PRUNE2: variants seen among roughly 807,000 people sequenced by gnomAD.
PRUNE2 encodes the protein prune homolog 2 with BCH domain.
Under a neutral mutation model 252.0 loss-of-function variants are expected in PRUNE2, and 164 were observed. The observed-to-expected ratio is 0.65, with a 90% confidence interval of 0.57 to 0.74. PRUNE2 has a LOEUF of 0.74. Among genes scored for constraint, PRUNE2 ranks in the 30% least tolerant of loss-of-function variants. PRUNE2 has a pLI of 0.00. For synonymous variants in PRUNE2, 1,292 were observed against 1,350.2 expected, an observed-to-expected ratio of 0.96 and a Z score of 0.94; for missense variants, 3,495 against 3,711.0, an observed-to-expected ratio of 0.94 and a Z score of 1.51.
chr9:76,674,977 G>T (rs1588470539), intron 9 of PRUNE2, among the ~76,000 whole-genome samples: 1 of 23,172 alleles, frequency 4.3e-5, no homozygotes, highest in African/African-American at 6.0e-5. Flanking sequence ...GAAAACCTAG[G>T]CATTACCATT....
chr9:76,614,484 G>T lies in PRUNE2; in HGVS notation c.*86C>A. ...ACCAGGTAGTGCAAAGTGGAAAAAG[G>T]TAACATCAGCCCTGTCTCTTTCAGG... On this transcript the variant is annotated 3_prime_UTR_variant, in exon 19 of 19. Transcript: ENST00000376718. 8.9e-7 allele frequency: 1 copy of T among 1,129,522 alleles called. No individual in the cohort carries two copies. The highest frequency in any genetic ancestry group is 1.3e-6 in the Non-Finnish European group (1 of 753,564). The allele number at this position is 1,129,522 out of a possible 1,614,324, so 70.0% of individuals were successfully genotyped here. A position where few individuals can be genotyped will look rare whatever the true frequency, so the allele number is the denominator to read the frequency against.
chr9:76,709,646 G>T lies in PRUNE2; in HGVS notation c.2628C>A (p.Ile876=), dbSNP rs2046568360. ...CAGAACTGGGATTTCCAGGTGCAAA[G>T]ATGTGATCCCTGGAGTCATTGTTTT... ...GKKNNDSRDH[I]FAPGNPSSDL... The change falls in exon 8 of 19, where the codon ATC becomes ATA. Residue 876 remains isoleucine, a synonymous_variant. Coordinates refer to ENST00000376718, the MANE Select transcript of PRUNE2 (RefSeq NM_015225.3). The T allele has an allele frequency of 1.2e-6, 2 of 1,613,908 alleles. No homozygotes were observed. Among genetic ancestry groups the T allele is most frequent in the South Asian group, 2.2e-5 (2 of 91,086 alleles).
intron 6 of PRUNE2, among the ~76,000 whole-genome samples, chr9:76,822,955 TAAAG>T (rs2058120683): frequency 6.6e-6 from 1 of 152,172 alleles, no homozygotes; most frequent in African/African-American, 2.4e-5. Context: ...AATACAACAG[TAAAG>T]AAATACACAG....
intron 15 of PRUNE2, among the ~76,000 whole-genome samples, chr9:76,633,153 C>T (rs192356284): frequency 4.2e-4 from 64 of 152,014 alleles, no homozygotes; most frequent in Non-Finnish European, 7.6e-4. Flanking sequence ...ACCTGGGAGG[C>T]GGAGGCTGCA....
intron 9 of PRUNE2, among the ~76,000 whole-genome samples, chr9:76,690,512 A>G (rs1338572978): frequency 6.6e-6 from 1 of 152,256 alleles, no homozygotes; most frequent in Non-Finnish European, 1.5e-5. Context: ...TAAAAACTCA[A>G]GAAAGTACTG....
intron 1 of PRUNE2, among the ~76,000 whole-genome samples, chr9:76,886,756 T>G (rs1232889725): frequency 1.3e-5 from 2 of 152,170 alleles, no homozygotes; most frequent in Non-Finnish European, 1.5e-5. Flanking sequence ...TGTGGCTAGT[T>G]TTTTCAAGAG....
At chr9:76,632,625 A>G (rs1838177556) in intron 15 of PRUNE2, among the ~76,000 whole-genome samples, 1 of 152,176 alleles carries the variant, frequency 6.6e-6, no homozygotes, top group African/African-American at 2.4e-5. Flanking sequence ...TGGTATGATC[A>G]TAGCTCACTA....
rs1406560266 is a variant in PRUNE2, at chr9:76,850,605, A to G, written c.202T>C (p.Tyr68His). ...VLNIPRTEFN[Y>H]FTETRFILEE... ...AAAATAAACCTCGTCTCGGTGAAGT[A>G]GTTGAATTCAGTTCTTGGTATGTTC... The change falls in exon 3 of 19, where the codon TAC becomes CAC. Residue 68 changes from tyrosine to histidine, a missense_variant. Coordinates refer to ENST00000376718, the MANE Select transcript of PRUNE2 (RefSeq NM_015225.3). 6.2e-7 allele frequency: 1 copy of G among 1,614,146 alleles called. No homozygotes were observed. Among genetic ancestry groups the G allele is most frequent in the African/African-American group, 1.3e-5 (1 of 75,058 alleles).
At chr9:76,874,020 G>A (rs1001154093) in intron 1 of PRUNE2, among the ~76,000 whole-genome samples, 1 of 152,168 alleles carries the variant, frequency 6.6e-6, no homozygotes, top group Non-Finnish European at 1.5e-5. Flanking sequence ...TCACTGCAGT[G>A]CTTGCTCAGT....
chr9:76,749,851 G>A (rs1450879805), intron 6 of PRUNE2, among the ~76,000 whole-genome samples: 2 of 152,172 alleles, frequency 1.3e-5, no homozygotes, highest in Non-Finnish European at 2.9e-5. Context: ...AGTGTGAAAG[G>A]GCAGACTGGA....
At chr9:76,762,976 C>T (rs2051899038) in intron 6 of PRUNE2, among the ~76,000 whole-genome samples, 1 of 152,162 alleles carries the variant, frequency 6.6e-6, no homozygotes, top group Non-Finnish European at 1.5e-5. Context: ...TCTTTGGCTC[C>T]AACCTCATTG....
chr9:76,847,696 T>A (rs1418154938), intron 3 of PRUNE2, among the ~76,000 whole-genome samples: 1 of 152,210 alleles, frequency 6.6e-6, no homozygotes. Context: ...GAAGAAAAGT[T>A]TGGATCAATC....
chr9:76,837,214 C>A (rs561200893), intron 4 of PRUNE2, among the ~76,000 whole-genome samples: 2 of 151,994 alleles, frequency 1.3e-5, no homozygotes, highest in African/African-American at 2.4e-5. Flanking sequence ...GAGGCCAAGG[C>A]GGGCGGATCA....
intron 9 of PRUNE2, chr9:76,692,151 G>C (rs1035648784): frequency 2.0e-5 from 14 of 717,266 alleles, no homozygotes; most frequent in Non-Finnish European, 3.6e-5. Flanking sequence ...TCTCTCTTCT[G>C]AGCAGTTAAC....
intron 9 of PRUNE2, among the ~76,000 whole-genome samples, chr9:76,662,921 CAG>C (rs2133665773): frequency 6.6e-6 from 1 of 152,090 alleles, no homozygotes; most frequent in East Asian, 1.9e-4. Flanking sequence ...TCTCTAGAAA[CAG>C]AGATAAAAAG....
intron 9 of PRUNE2, 79 bp downstream of exon 9, chr9:76,703,258 T>A: frequency 1.5e-6 from 2 of 1,318,948 alleles, no homozygotes; most frequent in Non-Finnish European, 2.1e-6. Context: ...TTCCTCATAT[T>A]CCATAACCTC....
At chr9:76,779,984 A>G (rs535361679) in intron 6 of PRUNE2, 4 of 152,354 alleles carry the variant, frequency 2.6e-5, no homozygotes, top group African/African-American at 9.6e-5. Context: ...GAAATATAGG[A>G]AGATTCTCGT....
chr9:76,703,448 T>C lies in PRUNE2; in HGVS notation c.8165A>G (p.Glu2722Gly), dbSNP rs373152312. 1.2e-5 allele frequency: 20 copies of C among 1,613,474 alleles called. No individual in the cohort carries two copies. The highest frequency in any genetic ancestry group is 1.4e-5 in the Non-Finnish European group (16 of 1,179,636). Residue 2722 changes from glutamate to glycine, a missense_variant, in exon 9 of 19, where the codon GAA (glutamate) becomes GGA (glycine). By Grantham distance (98) the Glu-to-Gly change is moderately conservative. Transcript: ENST00000376718. ...VTLQAVTHDN[E>G]WEMLSPQPVQ... ...AGGCTGTGGTGAAAGCATTTCCCAT[T>C]CATTGTCATGGGTGACAGCCTGCAA...
chr9:76,702,744 C>T (rs953117049), intron 9 of PRUNE2, among the ~76,000 whole-genome samples: 1 of 152,158 alleles, frequency 6.6e-6, no homozygotes, highest in Admixed American at 6.5e-5. Flanking sequence ...AAGTTAGGTG[C>T]TTACATAAAA....
Sources: gnomAD v4.1 joint callset for allele counts (sites outside exome capture counted in the v4.1 genomes callset) on GRCh38, gnomAD v4.1.1 for gene constraint, MANE v1.5 for transcripts, NCBI Gene and HGNC (gene_info 2026-07-23, HGNC 2026-07-21) for gene names.